Variants in SPTAN1 observed in about 807,000 individuals in gnomAD.
SPTAN1 encodes spectrin alpha, non-erythrocytic 1, also known as spectrin alpha chain, non-erythrocytic 1.
Under a neutral mutation model 331.3 loss-of-function variants are expected in SPTAN1, and 61 were observed. That is an observed-to-expected ratio of 0.18 (90% CI 0.15 to 0.23). The LOEUF (loss-of-function observed/expected upper bound fraction) is 0.23. Among genes scored for constraint, SPTAN1 ranks in the 10% least tolerant of loss-of-function variants. The pLI is 1.00. For synonymous variants in SPTAN1, 1,153 were observed against 1,173.9 expected, an observed-to-expected ratio of 0.98 and a Z score of 0.36; for missense variants, 2,043 against 3,147.9, an observed-to-expected ratio of 0.65 and a Z score of 8.40.
intron 31 of SPTAN1, 80 bp from the exon 32 acceptor site, chr9:128,607,524 T>A: frequency 8.2e-7 from 1 of 1,222,764 alleles, no homozygotes; most frequent in African/African-American, 1.5e-5. Context: ...GCAAGAATTA[T>A]GTCATTCTCT....
intron 1 of SPTAN1, among the ~76,000 whole-genome samples, chr9:128,564,555 G>A (rs1476017964): frequency 6.7e-6 from 1 of 148,446 alleles, no homozygotes; most frequent in Admixed American, 6.9e-5. Context: ...AGCCTGGGCA[G>A]CAAAATAAGG....
chr9:128,576,269 A>G (rs2130994842), intron 5 of SPTAN1, among the ~76,000 whole-genome samples: 1 of 152,294 alleles, frequency 6.6e-6, no homozygotes, highest in African/African-American at 2.4e-5. Context: ...AGCTTGATGC[A>G]GTGGCACCTG....
At position 128,632,273 on chromosome 9, in the gene SPTAN1, C is replaced by T. The variant is rs755841718; in HGVS notation, c.6909C>T (p.Asp2303=). The T allele has an allele frequency of 1.9e-6, 3 of 1,613,466 alleles. No individual in the cohort carries two copies. The highest frequency in any genetic ancestry group is 1.7e-5 in the Admixed American group (1 of 60,018). ...TCGCCCAGCAGTGGGACCAGCTGGA[C>T]CAGCTGGGCATGCGCATGCAGCACA... The part of the protein sequence containing the change: ...VGLAQQWDQL[D]QLGMRMQHNL... The change falls in exon 53 of 57, where the codon GAC becomes GAT. Residue 2303 remains aspartate (D), a synonymous_variant. Coordinates refer to ENST00000372739, the MANE Select transcript of SPTAN1 (RefSeq NM_001130438.3).
intron 3 of SPTAN1, among the ~76,000 whole-genome samples, chr9:128,570,310 A>G (rs1850503554): frequency 2.8e-5 from 1 of 36,138 alleles, no homozygotes; most frequent in Non-Finnish European, 5.3e-5. Context: ...CAGCTTATAT[A>G]TATATATATA....
chr9:128,578,848 A>C (rs1043914481), intron 9 of SPTAN1, among the ~76,000 whole-genome samples: 1 of 152,050 alleles, frequency 6.6e-6, no homozygotes, highest in African/African-American at 2.4e-5. Flanking sequence ...AAAAAAAAAA[A>C]AAAAAACCTT....
At chr9:128,600,626 C>T (rs1386047472) in intron 27 of SPTAN1, among the ~76,000 whole-genome samples, 1 of 152,162 alleles carries the variant, frequency 6.6e-6, no homozygotes, top group African/African-American at 2.4e-5. Context: ...CAGAATGGGC[C>T]ATCCCTGACC....
intron 36 of SPTAN1, 124 bp from the exon 37 acceptor site, chr9:128,609,527 T>C: frequency 1.0e-6 from 1 of 977,172 alleles, no homozygotes; most frequent in Non-Finnish European, 1.5e-6. Context: ...ATCCCCCTTC[T>C]ATTACTGTTC....
intron 45 of SPTAN1, among the ~76,000 whole-genome samples, chr9:128,623,531 C>G (rs1858233242): frequency 6.6e-6 from 1 of 151,856 alleles, no homozygotes; most frequent in African/African-American, 2.4e-5. Flanking sequence ...TCTCGGCTCA[C>G]TGCAGCCTCC....
intron 12 of SPTAN1, 147 bp from the exon 13 acceptor site, chr9:128,582,332 A>G (rs1233901147): frequency 4.0e-6 from 3 of 745,252 alleles, no homozygotes; most frequent in African/African-American, 3.5e-5. Context: ...TTATGAGAAA[A>G]AATGTCATCA....
At chr9:128,570,321 TATATATA>T (rs1564199459) in intron 3 of SPTAN1, among the ~76,000 whole-genome samples, 7 of 34,178 alleles carry the variant, frequency 2.0e-4, no homozygotes, top group African/African-American at 8.9e-4. Context: ...TATATATATA[TATATATA>T]TATTTTTTTT....
intron 21 of SPTAN1, 47 bp from the exon 22 acceptor site, chr9:128,591,430 C>G (rs777352630): frequency 6.2e-7 from 1 of 1,612,942 alleles, no homozygotes; most frequent in Non-Finnish European, 8.5e-7. Context: ...TGGATTCTCC[C>G]TCTCAGAGAA....
In SPTAN1 at chr9:128,624,419, C is replaced by T. The variant is rs772780483; in HGVS notation, c.5924C>T (p.Ala1975Val). 22 of 1,613,840 alleles carry T rather than the reference C, an allele frequency of 1.4e-5. No homozygotes were observed. The highest frequency in any genetic ancestry group is 7.7e-5 in the South Asian group (7 of 91,078). Residue 1975 changes from alanine (A) to valine (V), a missense_variant, in exon 46 of 57, where the codon GCG becomes GTG. By Grantham distance (64) the Ala-to-Val change is moderately conservative (BLOSUM62 0). Transcript: ENST00000372739. ...DLEKAAAQRK[A>V]KLDENSAFLQ... ...GAGAAAGCTGCAGCCCAGAGAAAGG[C>T]GAAGCTGGATGAGAACTCGGCCTTC...
chr9:128,620,724 GA>G (rs57158260), intron 44 of SPTAN1, among the ~76,000 whole-genome samples: 25,583 of 147,624 alleles, frequency 0.17, 2,780 homozygotes, highest in East Asian at 0.44. Flanking sequence ...GTCTCAAAAA[GA>G]AAAAAAAAAG....
intron 10 of SPTAN1, 108 bp from the exon 11 acceptor site, chr9:128,580,814 G>A: frequency 6.6e-7 from 1 of 1,517,914 alleles, no homozygotes; most frequent in Admixed American, 1.7e-5. Context: ...CGGAAAAAAG[G>A]CCTGAAGATT....
chr9:128,554,513 TGC>T (rs1456006469), intron 1 of SPTAN1, among the ~76,000 whole-genome samples: 79 of 152,236 alleles, frequency 5.2e-4, no homozygotes, highest in Non-Finnish European at 1.1e-3. Flanking sequence ...GGGGGTCAAC[TGC>T]AGATCCTGAA....
At chr9:128,619,866 C>T (rs1020694187) in intron 44 of SPTAN1, among the ~76,000 whole-genome samples, 2 of 152,224 alleles carry the variant, frequency 1.3e-5, no homozygotes, top group Non-Finnish European at 2.9e-5. Flanking sequence ...ATCTGTGGAT[C>T]AGCGGCATCT....
intron 1 of SPTAN1, among the ~76,000 whole-genome samples, chr9:128,555,667 G>C (rs1049926599): frequency 6.9e-6 from 1 of 144,654 alleles, no homozygotes; most frequent in Non-Finnish European, 1.5e-5. Context: ...TTCTCTTTAA[G>C]GCATGAATAT....
At chr9:128,582,406 A>C in intron 12 of SPTAN1, 73 bp from the exon 13 acceptor site, 2 of 1,278,076 alleles carry the variant, frequency 1.6e-6, no homozygotes, top group East Asian at 2.3e-5. Flanking sequence ...TCTGTTCAGC[A>C]GTTACTTTTC....
Position 128,552,591 on chromosome 9 carries a change from C to T in SPTAN1, c.-109C>T, listed in dbSNP as rs910900443. 1.3e-5 allele frequency: 2 copies of T among 151,442 alleles called. No individual in the cohort carries two copies. The highest frequency in any genetic ancestry group is 3.0e-5 in the Non-Finnish European group (2 of 67,784). 9.4% of individuals were successfully genotyped at this position (151,442 alleles called of 1,614,324 possible). A position where few individuals can be genotyped will look rare whatever the true frequency, so the allele number is the denominator to read the frequency against. On this transcript the variant is annotated 5_prime_UTR_variant, in exon 1 of 57. Transcript: ENST00000372739. This position sits in a 1 kb window ranked among gnomAD's most constrained non-coding sequence, Gnocchi z 4.6. ...AGGCGGGGCGCGCGCGTCGCCGCCA[C>T]TACCCGCTGCGGAGTGAACGGTGTG...
Sources: gnomAD v4.1 joint callset for allele counts (sites outside exome capture counted in the v4.1 genomes callset) on GRCh38, gnomAD v4.1.1 for gene constraint, Gnocchi (gnomAD v3.1) non-coding constraint, MANE v1.5 for transcripts, NCBI Gene and HGNC (gene_info 2026-07-23, HGNC 2026-07-21) for gene names.